The following ARHGAP25 variants were observed in gnomAD, a reference collection of about 807,000 sequenced individuals.
ARHGAP25 encodes Rho GTPase activating protein 25, also known as rho GTPase-activating protein 25.
In ARHGAP25, 34 loss-of-function variants were observed where a neutral mutation model predicts 71.0. The observed-to-expected ratio is 0.48, with a 90% CI of 0.36 to 0.64. The LOEUF (loss-of-function observed/expected upper bound fraction) is 0.64. ARHGAP25 is among the 30% of genes least tolerant of loss of function. The pLI is 0.00. For synonymous variants in ARHGAP25, 282 were observed against 296.5 expected (o/e 0.95, Z 0.50); for missense variants, 706 against 805.1 (o/e 0.88, Z 1.49).
At chr2:68,788,005 A>G (rs760287519) in intron 4 of ARHGAP25, 49 bp downstream of exon 4, 19 of 1,460,132 alleles carry the variant, frequency 1.3e-5, no homozygotes, top group Non-Finnish European at 1.6e-5. Flanking sequence ...GACATCTCAG[A>G]AAGTAGGAAG....
chr2:68,796,681 G>A lies in ARHGAP25; in HGVS notation c.466+8725G>A, dbSNP rs146800944. The stretch of plus-strand genomic sequence containing the variant: ...TTATTGGTTACTTTTTCAGGTTTCA[G>A]TGGTAGCAGTGGTGGGCCAAGTGTG... On this transcript the variant is annotated intron_variant, in intron 4 of 10. Transcript: ENST00000409202. Among the ~76,000 whole-genome samples, 276 of 152,292 alleles carry A rather than the reference G, an allele frequency of 1.8e-3. 2 individuals carry two copies. The highest frequency in any genetic ancestry group is 6.1e-3 in the African/African-American group (254 of 41,564).
intron 9 of ARHGAP25, among the ~76,000 whole-genome samples, chr2:68,821,491 C>T (rs1029818551): frequency 6.6e-6 from 1 of 152,194 alleles, no homozygotes; most frequent in African/African-American, 2.4e-5. Context: ...AATGCATTTT[C>T]AGAAGTGGGC....
chr2:68,755,955 A>G (rs1676457679), intron 1 of ARHGAP25, among the ~76,000 whole-genome samples: 1 of 152,278 alleles, frequency 6.6e-6, no homozygotes, highest in Non-Finnish European at 1.5e-5. Flanking sequence ...TATATGCATT[A>G]AATTTAATGA....
In ARHGAP25 at chr2:68,813,377, G is replaced by T; in HGVS notation, c.765G>T (p.Gly255=). The change falls in exon 6 of 11, where the codon GGG becomes GGT. Residue 255 remains glycine (G), a synonymous_variant. Transcript: ENST00000409202. ...EPVVPWSQYE[G]FLLCGQLTNA... ...TGGTTCCCTGGAGCCAGTACGAAGG[G>T]TTCCTGCTCTGTGGGCAGCTCACGA... 1 of 1,613,666 alleles carries T rather than the reference G, an allele frequency of 6.2e-7. No homozygotes were observed. The highest frequency in any genetic ancestry group is 1.1e-5 in the South Asian group (1 of 91,052).
intron 7 of ARHGAP25, 114 bp downstream of exon 7, chr2:68,816,476 G>A (rs964696464): frequency 1.5e-5 from 13 of 841,818 alleles, no homozygotes; most frequent in Non-Finnish European, 2.3e-5. Flanking sequence ...TAGCACTTTG[G>A]AAGATCAGCT....
At chr2:68,782,606 T>C (rs1484493298) in intron 3 of ARHGAP25, among the ~76,000 whole-genome samples, 2 of 152,238 alleles carry the variant, frequency 1.3e-5, no homozygotes, top group Non-Finnish European at 2.9e-5. Context: ...TACAAGGCTC[T>C]GAGCCACTGA....
At chr2:68,724,726 G>A (rs1674844045) in intron 2 of ARHGAP25, among the ~76,000 whole-genome samples, 1 of 152,172 alleles carries the variant, frequency 6.6e-6, no homozygotes, top group Non-Finnish European at 1.5e-5. Context: ...CCTATCTCCA[G>A]CCTCTGTCCA....
At chr2:68,815,389 G>C (rs12477498) in intron 6 of ARHGAP25, among the ~76,000 whole-genome samples, 30,631 of 150,858 alleles carry the variant, frequency 0.2, 3,402 homozygotes, top group East Asian at 0.44. Context: ...TTCTGCAGGA[G>C]AGCTGCTCAG....
At chr2:68,746,709 C>G (rs1039878644) in intron 1 of ARHGAP25, among the ~76,000 whole-genome samples, 3 of 145,952 alleles carry the variant, frequency 2.1e-5, no homozygotes, top group South Asian at 2.1e-4. Context: ...GACCACCCCC[C>G]TCCCCATCCC....
chr2:68,795,245 G>C (rs1664861944), intron 4 of ARHGAP25, among the ~76,000 whole-genome samples: 1 of 151,688 alleles, frequency 6.6e-6, no homozygotes, highest in Admixed American at 6.6e-5. Flanking sequence ...CCCTTGTATT[G>C]TTTCTTTGGT....
chr2:68,746,389 C>T (rs1675813897), intron 1 of ARHGAP25, among the ~76,000 whole-genome samples: 1 of 152,186 alleles, frequency 6.6e-6, no homozygotes, highest in African/African-American at 2.4e-5. Context: ...CTTGCTCCAT[C>T]TGTACTCCTT....
intron 9 of ARHGAP25, chr2:68,819,681 T>G: frequency 1.8e-6 from 1 of 545,220 alleles, no homozygotes; most frequent in Non-Finnish European, 3.2e-6. Context: ...AAATTCTGGG[T>G]GAACGTCCAG....
chr2:68,750,670 C>CTG (rs982339400), intron 1 of ARHGAP25, among the ~76,000 whole-genome samples: 14 of 151,914 alleles, frequency 9.2e-5, no homozygotes, highest in Non-Finnish European at 1.6e-4. Context: ...TGAGAGGCGT[C>CTG]TGTGTGTGTG....
chr2:68,816,454 G>A, intron 7 of ARHGAP25, 92 bp downstream of exon 7: 1 of 1,036,156 alleles, frequency 9.7e-7, no homozygotes, highest in Non-Finnish European at 1.5e-6. Context: ...TGTGAACAGA[G>A]AGATTCTGGT....
chr2:68,771,683 C>A (rs1385704408), intron 1 of ARHGAP25, among the ~76,000 whole-genome samples: 5 of 152,176 alleles, frequency 3.3e-5, no homozygotes, highest in Non-Finnish European at 5.9e-5. Context: ...TCATCTGAGA[C>A]CCCAGCTGTC....
chr2:68,816,214 C>T (rs1474267588), intron 6 of ARHGAP25, 75 bp from the exon 7 acceptor site: 1 of 1,236,312 alleles, frequency 8.1e-7, no homozygotes, highest in Non-Finnish European at 1.2e-6. Context: ...CCAATTCTGT[C>T]CCAGGGTCTC....
At chr2:68,757,849 C>G (rs2104333764) in intron 1 of ARHGAP25, 1 of 152,170 alleles carries the variant, frequency 6.6e-6, no homozygotes, top group East Asian at 1.9e-4. Context: ...AGTCTGGAAG[C>G]TAGCATTATT....
chr2:68,816,418 C>T, intron 7 of ARHGAP25, 56 bp downstream of exon 7: 1 of 1,437,014 alleles, frequency 7.0e-7, no homozygotes, highest in South Asian at 1.1e-5. Flanking sequence ...AAAGAAGCTC[C>T]TAGTTAGAAG....
intron 9 of ARHGAP25, among the ~76,000 whole-genome samples, chr2:68,821,848 T>TA (rs779294920): frequency 1.0e-3 from 155 of 152,056 alleles, no homozygotes; most frequent in Non-Finnish European, 2.0e-3. Context: ...TTTTATGAAC[T>TA]TTATCTATTA....
Sources: gnomAD v4.1 joint callset for allele counts (sites outside exome capture counted in the v4.1 genomes callset) on GRCh38, gnomAD v4.1.1 for gene constraint, MANE v1.5 for transcripts, NCBI Gene and HGNC (gene_info 2026-07-23, HGNC 2026-07-21) for gene names.